The following ERBB4 variants were observed in gnomAD, a reference collection of about 807,000 sequenced individuals.
ERBB4 encodes the protein erb-b2 receptor tyrosine kinase 4.
ERBB4 carries 42 observed loss-of-function variants against 158.0 expected under a neutral mutation model. The observed-to-expected ratio is 0.27, with a 90% CI of 0.21 to 0.34. The LOEUF (loss-of-function observed/expected upper bound fraction) is 0.34, where lower values mean the gene tolerates loss of function less well. Ranked by LOEUF, ERBB4 falls within the 10% of genes least tolerant of loss-of-function variation. The pLI, the probability that ERBB4 is intolerant of heterozygous loss-of-function variation, is 1.00. For synonymous variants in ERBB4, 583 were observed against 558.7 expected (o/e 1.04, Z -0.61); for missense variants, 1,333 against 1,624.1 (o/e 0.82, Z 3.08).
At chr2:211,576,052 G>A (rs971287900) in intron 19 of ERBB4, among the ~76,000 whole-genome samples, 4 of 152,024 alleles carry the variant, frequency 2.6e-5, no homozygotes, top group African/African-American at 9.7e-5. Flanking sequence ...GGATCCAGTT[G>A]GAGGTAACAG....
At chr2:212,337,875 T>C (rs2088519461) in intron 1 of ERBB4, among the ~76,000 whole-genome samples, 1 of 79,996 alleles carries the variant, frequency 1.3e-5, no homozygotes, top group Admixed American at 1.3e-4. Context: ...CTTGATAATC[T>C]GCCTGGTTTT....
chr2:212,340,482 A>G (rs2106317898), intron 1 of ERBB4, among the ~76,000 whole-genome samples: 1 of 152,318 alleles, frequency 6.6e-6, no homozygotes, highest in African/African-American at 2.4e-5. Flanking sequence ...TTTTCCTGCA[A>G]CTGCATGGTC....
chr2:212,454,597 T>G lies in ERBB4; in HGVS notation c.82+83852A>C, dbSNP rs922531255. Among the ~76,000 whole-genome samples, 4 of 152,242 alleles carry G rather than the reference T, an allele frequency of 2.6e-5. No homozygotes were observed. The East Asian group carries it at 7.7e-4, about 29-fold the overall frequency. On this transcript the variant is annotated intron_variant, in intron 1 of 27. Coordinates refer to ENST00000342788, the MANE Select transcript of ERBB4 (RefSeq NM_005235.3). ...AAATAATATTTTATCTGTTCTAAAA[T>G]AGCTTAATGATTCCCATAAGTCTAT...
intron 1 of ERBB4, among the ~76,000 whole-genome samples, chr2:212,307,372 C>CAAAAAA (rs11451976): frequency 6.8e-6 from 1 of 146,912 alleles, no homozygotes. Context: ...TGACTATTGG[C>CAAAAAA]AAAAAAAAAA....
At position 211,999,416 on chromosome 2, in the gene ERBB4, T is replaced by C. The variant is rs537012189; in HGVS notation, c.235-51800A>G. On this transcript the variant is annotated intron_variant, in intron 2 of 27. Coordinates refer to ENST00000342788, the MANE Select transcript of ERBB4 (RefSeq NM_005235.3). ...CCCTTGACTAAATAGGTATACAGAA[T>C]TCCCTCATTTTTCTCATTTTTGCAG... 6.1e-4 allele frequency among the ~76,000 whole-genome samples: 92 copies of C among 151,984 alleles called. 2 individuals are homozygous for C. The highest frequency in any genetic ancestry group is 2.1e-3 in the African/African-American group (88 of 41,554).
At chr2:211,400,830 C>T (rs1352878708) in intron 25 of ERBB4, among the ~76,000 whole-genome samples, 1 of 151,778 alleles carries the variant, frequency 6.6e-6, no homozygotes, top group East Asian at 1.9e-4. Context: ...TGATGGAAAC[C>T]CTATTTACCC....
chr2:212,419,162 C>T (rs535297734), intron 1 of ERBB4, among the ~76,000 whole-genome samples: 17 of 151,548 alleles, frequency 1.1e-4, no homozygotes, highest in African/African-American at 4.1e-4. Flanking sequence ...TGTTTCTACC[C>T]CCAAATTGCT....
At chr2:212,351,207 C>T (rs924000818) in intron 1 of ERBB4, among the ~76,000 whole-genome samples, 1 of 151,984 alleles carries the variant, frequency 6.6e-6, no homozygotes, top group Non-Finnish European at 1.5e-5. Context: ...GGCAGAGACC[C>T]TAGGAATGTG....
rs191304003 is a variant in ERBB4, at chr2:211,991,972, C to T, written c.235-44356G>A. Among the ~76,000 whole-genome samples the T allele has an allele frequency of 8.0e-4, 122 of 152,176 alleles. 1 individual carries two copies. Among genetic ancestry groups the T allele is most frequent in the African/African-American group, 2.7e-3 (112 of 41,536 alleles). ...AGGGAGGGGACAGGACAATGTGAAG[C>T]AGAGTCTTAGCAAATTAAAAGGATA... On this transcript the variant is annotated intron_variant, in intron 2 of 27. Coordinates refer to ENST00000342788, the MANE Select transcript of ERBB4 (RefSeq NM_005235.3).
At chr2:212,056,002 C>A (rs1188620499) in intron 2 of ERBB4, among the ~76,000 whole-genome samples, 2 of 152,146 alleles carry the variant, frequency 1.3e-5, no homozygotes, top group Non-Finnish European at 2.9e-5. Context: ...GAAGTCTGAA[C>A]CCATCGCAAA....
chr2:212,160,490 A>T (rs963834691), intron 1 of ERBB4, among the ~76,000 whole-genome samples: 2 of 152,020 alleles, frequency 1.3e-5, no homozygotes, highest in African/African-American at 4.8e-5. Flanking sequence ...ACACACAAAA[A>T]GTCTTATAAA....
intron 25 of ERBB4, among the ~76,000 whole-genome samples, chr2:211,405,134 T>TTAAG (rs1489713410): frequency 6.6e-6 from 1 of 151,964 alleles, no homozygotes; most frequent in South Asian, 2.1e-4. Flanking sequence ...AACCAAGAGG[T>TTAAG]TAAGTAAGTG....
chr2:211,703,568 C>T (rs991800432), intron 11 of ERBB4, among the ~76,000 whole-genome samples: 2 of 152,126 alleles, frequency 1.3e-5, no homozygotes, highest in Non-Finnish European at 2.9e-5. Context: ...ACTCTTATAA[C>T]GTGAATTTAA....
chr2:212,420,508 T>G (rs1231750555), intron 1 of ERBB4, among the ~76,000 whole-genome samples: 1 of 152,156 alleles, frequency 6.6e-6, no homozygotes, highest in Non-Finnish European at 1.5e-5. Context: ...TGTATTTTAA[T>G]TATGAAAGAA....
intron 1 of ERBB4, among the ~76,000 whole-genome samples, chr2:212,140,500 A>G (rs995068241): frequency 4.1e-5 from 6 of 146,968 alleles, no homozygotes; most frequent in African/African-American, 1.3e-4. Context: ...TAAATGTAAA[A>G]AGTATATTTC....
At chr2:212,494,086 T>A (rs1575024108) in intron 1 of ERBB4, among the ~76,000 whole-genome samples, 1 of 152,028 alleles carries the variant, frequency 6.6e-6, no homozygotes, top group Non-Finnish European at 1.5e-5. Context: ...TGGATACAAA[T>A]ATTACACATA....
intron 1 of ERBB4, among the ~76,000 whole-genome samples, chr2:212,420,528 C>A (rs2091768650): frequency 1.3e-5 from 2 of 152,108 alleles, no homozygotes; most frequent in South Asian, 4.1e-4. Context: ...ATGGGATCTG[C>A]CCAAGTTTTC....
At position 211,983,096 on chromosome 2, in the gene ERBB4, G is replaced by C. The variant is rs1034955237; in HGVS notation, c.235-35480C>G. 2.0e-5 allele frequency among the ~76,000 whole-genome samples: 3 copies of C among 152,314 alleles called. No homozygotes were observed. In the South Asian group the frequency reaches 6.2e-4, roughly 32 times the overall value. ...AGGAGCAAGGGGAAGTAATTGAAGG[G>C]TGTTGAACAAGGAATGAAATGGTTG... is the stretch of plus-strand genomic sequence containing the variant. On this transcript the variant is annotated intron_variant, in intron 2 of 27. Coordinates refer to ENST00000342788, the MANE Select transcript of ERBB4 (RefSeq NM_005235.3).
intron 1 of ERBB4, among the ~76,000 whole-genome samples, chr2:212,239,740 G>C (rs904615392): frequency 1.3e-5 from 2 of 152,080 alleles, no homozygotes; most frequent in Non-Finnish European, 2.9e-5. Context: ...TGATAATGTG[G>C]TATATTCCTT....
Sources: gnomAD v4.1 joint callset for allele counts (sites outside exome capture counted in the v4.1 genomes callset) on GRCh38, gnomAD v4.1.1 for gene constraint, MANE v1.5 for transcripts, NCBI Gene and HGNC (gene_info 2026-07-23, HGNC 2026-07-21) for gene names.